The following TRPM6 variants were observed in gnomAD, a reference collection of about 807,000 sequenced individuals.
TRPM6 encodes the protein channel kinase 2.
TRPM6 carries 111 observed loss-of-function variants against 247.6 expected under a neutral mutation model. The observed-to-expected ratio is 0.45, with a 90% confidence interval of 0.38 to 0.52. The LOEUF is 0.52. TRPM6 is among the 20% of genes least tolerant of loss of function. The probability of loss-of-function intolerance (pLI) is 0.00; values close to 1 mark genes in which losing one functional copy is unlikely to be tolerated. For synonymous variants in TRPM6, 892 were observed against 853.8 expected (o/e 1.04, Z -0.78); for missense variants, 2,126 against 2,421.5 (o/e 0.88, Z 2.56).
chr9:74,725,240 A>G (rs1825276564), intron 38 of TRPM6, among the ~76,000 whole-genome samples: 1 of 152,210 alleles, frequency 6.6e-6, no homozygotes, highest in Non-Finnish European at 1.5e-5. Context: ...TTGAAAAGAA[A>G]AAAGTTAAAA....
intron 1 of TRPM6, among the ~76,000 whole-genome samples, chr9:74,874,407 T>C (rs1434555302): frequency 1.3e-5 from 2 of 152,156 alleles, no homozygotes; most frequent in Non-Finnish European, 2.9e-5. Context: ...GAACACATGA[T>C]ATTAAAAGTT....
chr9:74,835,381 TG>T (rs200866617), intron 5 of TRPM6, among the ~76,000 whole-genome samples: 23,130 of 152,108 alleles, frequency 0.15, 2,212 homozygotes, highest in East Asian at 0.27. Context: ...CTATTATGAA[TG>T]TTTTTTTTAT....
intron 11 of TRPM6, among the ~76,000 whole-genome samples, chr9:74,812,762 C>A (rs763917273): frequency 1.3e-5 from 2 of 152,052 alleles, no homozygotes; most frequent in Non-Finnish European, 2.9e-5. Context: ...TAGTGGCATG[C>A]ACCTGTGGTC....
intron 35 of TRPM6, 108 bp from the exon 36 acceptor site, chr9:74,738,720 G>A: frequency 3.2e-6 from 3 of 923,496 alleles, no homozygotes; most frequent in Admixed American, 3.9e-5. Flanking sequence ...GTATGATGCA[G>A]CCTCAATGCA....
At chr9:74,786,196 A>T in intron 20 of TRPM6, 71 bp from the exon 21 acceptor site, 1 of 1,550,486 alleles carries the variant, frequency 6.4e-7, no homozygotes, top group Non-Finnish European at 8.9e-7. Flanking sequence ...GATCTTCTTA[A>T]ATACACAAAC....
At chr9:74,748,583 A>G (rs1378986254) in intron 30 of TRPM6, among the ~76,000 whole-genome samples, 1 of 152,186 alleles carries the variant, frequency 6.6e-6, no homozygotes, top group South Asian at 2.1e-4. Flanking sequence ...TTGTGTCTTC[A>G]TATTTTTAAA....
At chr9:74,784,790 A>T (rs1366089559) in intron 21 of TRPM6, among the ~76,000 whole-genome samples, 1 of 152,158 alleles carries the variant, frequency 6.6e-6, no homozygotes, top group Non-Finnish European at 1.5e-5. Flanking sequence ...CAGTGGTGAC[A>T]TGATCTTGCT....
At position 74,728,227 on chromosome 9, in the gene TRPM6, T is replaced by C. The variant is rs781749088; in HGVS notation, c.5935+12A>G. ...GATTTACTTAGAGAAAAAAGAACTG[T>C]TAGTGGCATACCCGGGAGTTTGAGC... On this transcript the variant is annotated intron_variant, in intron 38 of 38. Coordinates refer to ENST00000360774, the MANE Select transcript of TRPM6 (RefSeq NM_017662.5). 1.3e-5 allele frequency: 20 copies of C among 1,594,596 alleles called. No individual in the cohort carries two copies. Among genetic ancestry groups the C allele is most frequent in the East Asian group, 8.9e-5 (4 of 44,796 alleles).
At chr9:74,817,210 T>C (rs1037153150) in intron 9 of TRPM6, among the ~76,000 whole-genome samples, 3 of 152,238 alleles carry the variant, frequency 2.0e-5, no homozygotes, top group African/African-American at 7.2e-5. Flanking sequence ...TGTTATTACA[T>C]GAATTTACTA....
rs1359319509 is a variant in TRPM6 at position 74,737,378 on chromosome 9, G to A, written c.5776+1029C>T. ...ACCGGACATTGCTCATGATGCCCCA[G>A]GACTGTCTGCTTATCTCTACATTCT... is the stretch of plus-strand genomic sequence containing the variant. On this transcript the variant is annotated intron_variant, in intron 36 of 38. Coordinates refer to ENST00000360774, the MANE Select transcript of TRPM6 (RefSeq NM_017662.5). 3 of 1,289,568 alleles carry A rather than the reference G, an allele frequency of 2.3e-6. No individual in the cohort carries two copies. The Admixed American group carries it at 6.9e-5, about 30-fold the overall frequency. The allele number at this position is 1,289,568 out of a possible 1,614,324, so 79.9% of individuals were successfully genotyped here.
chr9:74,761,768 G>T lies in TRPM6; in HGVS notation c.4713C>A (p.Val1571=). Residue 1571 remains valine (V), a synonymous_variant, in exon 27 of 39, where the codon GTC becomes GTA. Coordinates refer to ENST00000360774, the MANE Select transcript of TRPM6 (RefSeq NM_017662.5). ...TGTCTTTGGTTAGCATTTTCGCTTT[G>T]ACCCATGCTCCCTGCCCTATTTCTG... ...GSSEIGQGAW[V]KAKMLTKDRR... is the part of the protein sequence containing the mutation. The T allele has an allele frequency of 6.2e-7, 1 of 1,613,904 alleles. No homozygotes were observed. Among genetic ancestry groups the T allele is most frequent in the South Asian group, 1.1e-5 (1 of 91,052 alleles).
At position 74,765,972 on chromosome 9, in the gene TRPM6, G is replaced by C. The variant is rs572647479; in HGVS notation, c.3537-2838C>G. ...TGACCTTCTGGAATCTGCAAAATTA[G>C]AACTGGCAAGGATGATGTGGGAAAC... On this transcript the variant is annotated intron_variant, in intron 25 of 38. Coordinates refer to ENST00000360774, the MANE Select transcript of TRPM6 (RefSeq NM_017662.5). Among the ~76,000 whole-genome samples, 20 of 152,274 alleles carry C rather than the reference G, an allele frequency of 1.3e-4. No homozygotes were observed. In the East Asian group the frequency reaches 3.1e-3, roughly 23 times the overall value.
chr9:74,783,796 G>A (rs1827546069), intron 21 of TRPM6, among the ~76,000 whole-genome samples: 1 of 152,178 alleles, frequency 6.6e-6, no homozygotes, highest in Admixed American at 6.5e-5. Context: ...GAGTCCTGGA[G>A]GTTGTCTCTT....
At chr9:74,777,733 C>T (rs1473225089) in intron 23 of TRPM6, among the ~76,000 whole-genome samples, 1 of 152,128 alleles carries the variant, frequency 6.6e-6, no homozygotes, top group African/African-American at 2.4e-5. Flanking sequence ...CACTGTGGCA[C>T]CTTCTACAGA....
At chr9:74,737,173 T>C (rs1825722838) in intron 36 of TRPM6, among the ~76,000 whole-genome samples, 1 of 152,136 alleles carries the variant, frequency 6.6e-6, no homozygotes, top group Non-Finnish European at 1.5e-5. Flanking sequence ...TTGTTTATAT[T>C]GTTTCCTAAA....
At chr9:74,862,332 T>C (rs1830712559) in intron 1 of TRPM6, among the ~76,000 whole-genome samples, 1 of 152,160 alleles carries the variant, frequency 6.6e-6, no homozygotes. Flanking sequence ...AAATTTGTTG[T>C]GGTCGTGGTA....
intron 31 of TRPM6, among the ~76,000 whole-genome samples, chr9:74,746,319 A>C (rs1443282217): frequency 1.3e-5 from 2 of 152,150 alleles, no homozygotes; most frequent in African/African-American, 4.8e-5. Flanking sequence ...TTACTGATAG[A>C]TGGGATGTAG....
chr9:74,735,964 C>T (rs776723310), intron 36 of TRPM6, among the ~76,000 whole-genome samples: 29 of 152,314 alleles, frequency 1.9e-4, no homozygotes, highest in Non-Finnish European at 3.4e-4. Context: ...AACCACAGCA[C>T]ACTGAGCAGG....
chr9:74,728,704 T>C (rs554943470), intron 37 of TRPM6, among the ~76,000 whole-genome samples: 1 of 152,334 alleles, frequency 6.6e-6, no homozygotes, highest in East Asian at 1.9e-4. Flanking sequence ...TCTACTAGAA[T>C]ACCCCAAAGG....
Sources: gnomAD v4.1 joint callset for allele counts (sites outside exome capture counted in the v4.1 genomes callset) on GRCh38, gnomAD v4.1.1 for gene constraint, MANE v1.5 for transcripts, NCBI Gene and HGNC (gene_info 2026-07-23, HGNC 2026-07-21) for gene names.